MIB1: variants seen among roughly 807,000 people sequenced by gnomAD.
The protein encoded by MIB1 is MIB E3 ubiquitin protein ligase 1, also known as E3 ubiquitin-protein ligase MIB1.
A neutral mutation model predicts 124.5 loss-of-function variants in MIB1; 278 were observed. The ratio of observed to expected loss-of-function variants is 2.23; its 90% CI spans 2.02 to 2.47. The LOEUF (loss-of-function observed/expected upper bound fraction) is 2.47. Among genes scored for constraint, MIB1 ranks in the 30% most tolerant of loss-of-function variants. The pLI is 0.00. For missense variants in MIB1, 957 were observed against 1,254.4 expected, an observed-to-expected ratio of 0.76 and a Z score of 3.58; for synonymous variants, 446 against 429.4, an observed-to-expected ratio of 1.04 and a Z score of -0.48.
At chr18:21,813,314 T>A (rs373724723) in intron 10 of MIB1, among the ~76,000 whole-genome samples, 2 of 150,234 alleles carry the variant, frequency 1.3e-5, no homozygotes, top group South Asian at 4.1e-4. Context: ...CTTAGAGAGA[T>A]TAACTTATGT....
intron 17 of MIB1, among the ~76,000 whole-genome samples, chr18:21,851,116 G>A (rs1396833633): frequency 6.6e-6 from 1 of 152,180 alleles, no homozygotes; most frequent in Non-Finnish European, 1.5e-5. Context: ...GCCTCTGGTT[G>A]TCAGAAGCAG....
intron 4 of MIB1, among the ~76,000 whole-genome samples, chr18:21,776,405 ACCTGCAGGTGCACATGTGCATC>A (rs1173237122): frequency 7.2e-5 from 11 of 152,216 alleles, no homozygotes; most frequent in African/African-American, 2.2e-4. Flanking sequence ...GCATGTGCAT[ACCTGCAGGTGCACATGTGCATC>A]TGTATTAGAG....
intron 10 of MIB1, among the ~76,000 whole-genome samples, chr18:21,807,571 C>T (rs959755985): frequency 2.6e-5 from 4 of 152,114 alleles, no homozygotes; most frequent in African/African-American, 7.2e-5. Context: ...ATTTAGGCTC[C>T]ACAAGGGACA....
In MIB1 at chr18:21,740,961, G is replaced by A. The variant is rs1392177737; in HGVS notation, c.-623G>A. Among the ~76,000 whole-genome samples the A allele has an allele frequency of 6.6e-6, 1 of 152,210 alleles. No individual in the cohort carries two copies. Among genetic ancestry groups the A allele is most frequent in the Non-Finnish European group, 1.5e-5 (1 of 68,022 alleles). On this transcript the variant is annotated 5_prime_UTR_variant, in exon 1 of 21. Coordinates refer to ENST00000261537, the MANE Select transcript of MIB1 (RefSeq NM_020774.4). ...TACGGCGGTACCCGGATGTGGAGTC[G>A]CTCTCGCCCGGCTGGGACTCTGTGG...
At chr18:21,810,065 A>G (rs1047215331) in intron 10 of MIB1, among the ~76,000 whole-genome samples, 3 of 152,140 alleles carry the variant, frequency 2.0e-5, no homozygotes, top group African/African-American at 7.2e-5. Context: ...TTGTATGTCT[A>G]TACATTAACA....
At chr18:21,864,492 G>T in intron 20 of MIB1, 34 bp from the exon 21 acceptor site, 2 of 1,539,662 alleles carry the variant, frequency 1.3e-6, no homozygotes, top group Non-Finnish European at 1.8e-6. Context: ...AATATAAAGT[G>T]TCTAATTTAT....
At chr18:21,776,867 C>G (rs945179778) in intron 4 of MIB1, among the ~76,000 whole-genome samples, 1 of 151,850 alleles carries the variant, frequency 6.6e-6, no homozygotes, top group Admixed American at 6.6e-5. Flanking sequence ...TTCCCAGCTA[C>G]TGGGGAGGCA....
upstream of MIB1, among the ~76,000 whole-genome samples, chr18:21,740,066 C>T (rs997201839): frequency 6.6e-6 from 1 of 152,192 alleles, no homozygotes; most frequent in Admixed American, 6.5e-5. Flanking sequence ...CTTTGACTAT[C>T]AGGAAAAGCA....
chr18:21,784,239 G>T (rs1240834406), intron 6 of MIB1, among the ~76,000 whole-genome samples: 3 of 151,808 alleles, frequency 2.0e-5, no homozygotes, highest in Non-Finnish European at 4.4e-5. Context: ...AGTAGAGAGG[G>T]GGTTTCACCA....
rs2042311248 is a variant in MIB1 at position 21,865,197 on chromosome 18, A to T, written c.*531A>T. The stretch of plus-strand genomic sequence containing the variant: ...GAAGGGATGATTCTTTTTTTAAGAT[A>T]ACAGGAAGTTACCCACATGTTTGTT... On this transcript the variant is annotated 3_prime_UTR_variant, in exon 21 of 21. Coordinates refer to ENST00000261537, the MANE Select transcript of MIB1 (RefSeq NM_020774.4). 6.6e-6 allele frequency: 1 copy of T among 152,230 alleles called. No homozygotes were observed. Among genetic ancestry groups the T allele is most frequent in the African/African-American group, 2.4e-5 (1 of 41,460 alleles). The allele number at this position is 152,230 out of a possible 1,614,324, so 9.4% of individuals were successfully genotyped here. A position where few individuals can be genotyped will look rare whatever the true frequency, so the allele number is the denominator to read the frequency against.
intron 9 of MIB1, 35 bp from the exon 10 acceptor site, chr18:21,803,872 A>G: frequency 7.9e-6 from 9 of 1,146,436 alleles, no homozygotes; most frequent in Non-Finnish European, 1.0e-5. Flanking sequence ...CTGATTATTC[A>G]TTCATTCTTT....
chr18:21,718,680 T>G (rs1044135874), intron 1 of MIB1, among the ~76,000 whole-genome samples: 1 of 152,220 alleles, frequency 6.6e-6, no homozygotes, highest in Non-Finnish European at 1.5e-5. Flanking sequence ...GCATCAATAG[T>G]TAACCAAAAC....
intron 12 of MIB1, among the ~76,000 whole-genome samples, chr18:21,832,868 T>A (rs1381296867): frequency 6.6e-6 from 1 of 152,212 alleles, no homozygotes; most frequent in Admixed American, 6.5e-5. Flanking sequence ...TTTTCTCAAG[T>A]ACCCCATTTT....
intron 4 of MIB1, among the ~76,000 whole-genome samples, chr18:21,777,557 T>G (rs2041305295): frequency 6.6e-6 from 1 of 152,086 alleles, no homozygotes; most frequent in Non-Finnish European, 1.5e-5. Flanking sequence ...TTTATTTTAT[T>G]TATTTATTTT....
At chr18:21,837,357 A>G (rs2042043224) in intron 12 of MIB1, among the ~76,000 whole-genome samples, 1 of 152,156 alleles carries the variant, frequency 6.6e-6, no homozygotes, top group African/African-American at 2.4e-5. Context: ...AAATACAAAA[A>G]ATTAGCCGGG....
At chr18:21,778,535 A>G (rs1026017634) in intron 5 of MIB1, among the ~76,000 whole-genome samples, 13 of 152,154 alleles carry the variant, frequency 8.5e-5, no homozygotes, top group African/African-American at 3.1e-4. Context: ...TTTTTGTCAA[A>G]TTGTCTTCCT....
chr18:21,767,432 C>T (rs2041174250), intron 2 of MIB1, among the ~76,000 whole-genome samples: 1 of 152,200 alleles, frequency 6.6e-6, no homozygotes, highest in South Asian at 2.1e-4. Flanking sequence ...TTACCTCCCA[C>T]TGGGTCCCTC....
intron 1 of MIB1, among the ~76,000 whole-genome samples, chr18:21,745,883 T>A (rs1193618339): frequency 6.6e-6 from 1 of 152,044 alleles, no homozygotes. Context: ...ACTTTTGTAT[T>A]TTTGGTAGAG....
intron 1 of MIB1, among the ~76,000 whole-genome samples, chr18:21,721,168 T>TG (rs2040713569): frequency 1.1e-5 from 1 of 94,754 alleles, no homozygotes; most frequent in African/African-American, 5.2e-5. Flanking sequence ...AGTTTTTTTT[T>TG]TTTTTTTTTT....
Sources: gnomAD v4.1 joint callset for allele counts (sites outside exome capture counted in the v4.1 genomes callset) on GRCh38, gnomAD v4.1.1 for gene constraint, MANE v1.5 for transcripts, NCBI Gene and HGNC (gene_info 2026-07-23, HGNC 2026-07-21) for gene names.